PTPRD: variants seen among roughly 807,000 people sequenced by gnomAD.
The protein encoded by PTPRD is receptor-type tyrosine-protein phosphatase delta.
PTPRD carries 34 observed loss-of-function variants against 214.5 expected under a neutral mutation model. That is an observed-to-expected ratio of 0.16 (90% CI 0.12 to 0.21). The LOEUF (loss-of-function observed/expected upper bound fraction) is 0.21, where lower values mean the gene tolerates loss of function less well. Ranked by LOEUF, PTPRD falls within the 10% of genes least tolerant of loss-of-function variation. PTPRD has a pLI of 1.00. For synonymous variants in PTPRD, 1,128 were observed against 845.7 expected, an observed-to-expected ratio of 1.33 and a Z score of -5.79; for missense variants, 2,545 against 2,398.7, an observed-to-expected ratio of 1.06 and a Z score of -1.27.
At chr9:8,839,265 A>C (rs1188762408) in intron 11 of PTPRD, among the ~76,000 whole-genome samples, 4 of 152,100 alleles carry the variant, frequency 2.6e-5, no homozygotes, top group African/African-American at 4.8e-5. Context: ...AAATGAACAA[A>C]ACCTAGATGA....
intron 40 of PTPRD, 124 bp downstream of exon 40, chr9:8,341,569 C>G (rs1338238715): frequency 2.6e-6 from 3 of 1,143,422 alleles, no homozygotes; most frequent in Admixed American, 4.4e-5. Context: ...TAATCATACA[C>G]CTGAGGGAAA....
intron 11 of PTPRD, among the ~76,000 whole-genome samples, chr9:8,997,245 T>G (rs1336031891): frequency 6.6e-6 from 1 of 152,138 alleles, no homozygotes; most frequent in Non-Finnish European, 1.5e-5. Context: ...GGTGCTTTGT[T>G]TTTTCTGCTT....
At chr9:8,919,535 C>A (rs2098810482) in intron 11 of PTPRD, among the ~76,000 whole-genome samples, 2 of 152,060 alleles carry the variant, frequency 1.3e-5, no homozygotes, top group African/African-American at 4.8e-5. Flanking sequence ...ATTAGCTTAG[C>A]AAAACCTGCT....
intron 12 of PTPRD, among the ~76,000 whole-genome samples, chr9:8,652,392 C>T (rs1257286291): frequency 6.6e-6 from 1 of 152,316 alleles, no homozygotes; most frequent in African/African-American, 2.4e-5. Context: ...ACTGCCCTGG[C>T]ACACGGCTAT....
intron 43 of PTPRD, among the ~76,000 whole-genome samples, chr9:8,332,569 T>G (rs1330196199): frequency 6.6e-6 from 1 of 152,116 alleles, no homozygotes; most frequent in Non-Finnish European, 1.5e-5. Context: ...TGAAGAGCAG[T>G]CTTTCTTTTT....
rs368459454 is a variant in PTPRD at position 9,582,513 on chromosome 9, A to G, written c.-286-7732T>C. Among the ~76,000 whole-genome samples the G allele has an allele frequency of 1.9e-4, 29 of 151,764 alleles. No individual in the cohort carries two copies. The East Asian group carries it at 3.9e-3, about 20-fold the overall frequency. On this transcript the variant is annotated intron_variant, in intron 7 of 45. Coordinates refer to ENST00000381196, the MANE Select transcript of PTPRD (RefSeq NM_002839.4). Reference sequence around the variant, plus strand: ...TTGGATGAATTATTTCTTGAATCTGAGAGATAAATAAATTATATGGAAAAA... The same window carrying G: ...TTGGATGAATTATTTCTTGAATCTGGGAGATAAATAAATTATATGGAAAAA...
intron 37 of PTPRD, among the ~76,000 whole-genome samples, chr9:8,382,381 G>A (rs1335643826): frequency 3.3e-5 from 5 of 152,170 alleles, no homozygotes; most frequent in Admixed American, 2.6e-4. Flanking sequence ...TGCAGAGAAT[G>A]AGAGAGGCTT....
intron 3 of PTPRD, among the ~76,000 whole-genome samples, chr9:10,326,625 A>T (rs1175755936): frequency 6.6e-6 from 1 of 151,660 alleles, no homozygotes; most frequent in African/African-American, 2.4e-5. Context: ...TGAAAATAAT[A>T]TTTGAAAATA....
intron 14 of PTPRD, among the ~76,000 whole-genome samples, chr9:8,565,096 C>T (rs117595361): frequency 6.6e-5 from 10 of 152,116 alleles, no homozygotes; most frequent in East Asian, 1.9e-4. Context: ...CGGGGAGAGA[C>T]GAACATGTGG....
At chr9:9,990,674 G>A (rs1040185702) in intron 4 of PTPRD, among the ~76,000 whole-genome samples, 1 of 152,222 alleles carries the variant, frequency 6.6e-6, no homozygotes, top group Non-Finnish European at 1.5e-5. Flanking sequence ...TGAGGGGTGA[G>A]CTGCCCACCA....
intron 10 of PTPRD, among the ~76,000 whole-genome samples, chr9:9,031,385 G>T (rs1413564827): frequency 6.6e-6 from 1 of 151,970 alleles, no homozygotes; most frequent in Non-Finnish European, 1.5e-5. Context: ...AACCTAGATA[G>T]CATAGCCCAC....
chr9:9,265,737 C>A (rs1169169570), intron 9 of PTPRD, among the ~76,000 whole-genome samples: 3 of 150,622 alleles, frequency 2.0e-5, no homozygotes, highest in African/African-American at 7.3e-5. Context: ...TGAAAAGACT[C>A]AAAGCACACC....
chr9:8,351,242 C>T (rs10739160), intron 39 of PTPRD, among the ~76,000 whole-genome samples: 72,085 of 151,928 alleles, frequency 0.47, 19,964 homozygotes, highest in Non-Finnish European at 0.63. Flanking sequence ...ACACCACTTA[C>T]ATTGTTTTAA....
At chr9:8,796,009 G>C (rs2096408800) in intron 11 of PTPRD, among the ~76,000 whole-genome samples, 1 of 152,140 alleles carries the variant, frequency 6.6e-6, no homozygotes, top group African/African-American at 2.4e-5. Flanking sequence ...GAAATTAAGT[G>C]CCAAATGATA....
intron 35 of PTPRD, among the ~76,000 whole-genome samples, chr9:8,434,597 T>C (rs1200219274): frequency 6.6e-6 from 1 of 152,226 alleles, no homozygotes; most frequent in African/African-American, 2.4e-5. Flanking sequence ...CGAGCTATCA[T>C]ATTTCCGTAA....
chr9:8,667,527 A>C (rs2097194698), intron 12 of PTPRD, among the ~76,000 whole-genome samples: 1 of 152,212 alleles, frequency 6.6e-6, no homozygotes, highest in African/African-American at 2.4e-5. Flanking sequence ...AAAATTCCAC[A>C]TCTAAGTACT....
chr9:9,508,938 T>C (rs746255479), intron 8 of PTPRD, among the ~76,000 whole-genome samples: 16 of 151,612 alleles, frequency 1.1e-4, no homozygotes, highest in Non-Finnish European at 1.9e-4. Context: ...ATATATATAT[T>C]AATTACATGT....
chr9:8,768,550 C>G (rs185589284), intron 11 of PTPRD, among the ~76,000 whole-genome samples: 5 of 152,126 alleles, frequency 3.3e-5, no homozygotes, highest in Admixed American at 2.6e-4. Context: ...AAGATCCTGT[C>G]TCAAAATAAA....
At chr9:8,854,156 G>C (rs1408045199) in intron 11 of PTPRD, among the ~76,000 whole-genome samples, 2 of 151,976 alleles carry the variant, frequency 1.3e-5, no homozygotes. Flanking sequence ...AGAAACTTTT[G>C]GGAATTAAAA....
Sources: allele counts gnomAD v4.1 joint callset (sites outside exome capture counted in the v4.1 genomes callset), GRCh38; gene constraint gnomAD v4.1.1; transcripts MANE v1.5; gene names NCBI Gene and HGNC (gene_info 2026-07-23, HGNC 2026-07-21).